Variants in DUOX1 observed in about 807,000 individuals in gnomAD.
DUOX1 encodes dual oxidase 1.
A neutral mutation model predicts 181.8 loss-of-function variants in DUOX1; 134 were observed. The observed-to-expected ratio is 0.74, with a 90% CI of 0.64 to 0.85. The LOEUF is 0.85. Ranked by LOEUF, DUOX1 falls within the 40% of genes least tolerant of loss-of-function variation. DUOX1 has a pLI of 0.00. For missense variants in DUOX1, 1,814 were observed against 2,064.4 expected (o/e 0.88, Z 2.35); for synonymous variants, 798 against 832.5 (o/e 0.96, Z 0.71).
At chr15:45,142,402 A>G (rs954740027) in intron 15 of DUOX1, among the ~76,000 whole-genome samples, 1 of 152,142 alleles carries the variant, frequency 6.6e-6, no homozygotes. Context: ...CTGAGCCTAG[A>G]GGACTGTCAG....
At chr15:45,158,106 C>T (rs146040065) in intron 28 of DUOX1, among the ~76,000 whole-genome samples, 18 of 152,308 alleles carry the variant, frequency 1.2e-4, no homozygotes, top group Admixed American at 3.9e-4. Flanking sequence ...AGCCACCACC[C>T]CATCCCACCA....
At position 45,142,162 on chromosome 15, in the gene DUOX1, T is replaced by C. The variant is rs1896517333; in HGVS notation, c.1822+50T>C. ...GGGGTGAGAGATGCAAGCTAGGGGA[T>C]GCAGTTTGGGTGGTTCCACTAATGA... is the stretch of plus-strand genomic sequence containing the variant. On this transcript the variant is annotated intron_variant, in intron 15 of 33. Transcript: ENST00000389037. 3 of 1,588,280 alleles carry C rather than the reference T, an allele frequency of 1.9e-6. No homozygotes were observed. In the East Asian group the frequency reaches 6.7e-5, roughly 36 times the overall value.
chr15:45,135,633 C>T lies in DUOX1; in HGVS notation c.655C>T (p.Pro219Ser), dbSNP rs200908616. The T allele has an allele frequency of 6.5e-7, 1 of 1,546,004 alleles. No individual in the cohort carries two copies. Among genetic ancestry groups the T allele is most frequent in the Non-Finnish European group, 8.7e-7 (1 of 1,146,086 alleles). ...SQNPLLMWAA[P>S]DPATGQNGPR... Reference sequence around the variant, plus strand: ...GAACCCCCTGCTCATGTGGGCGGCGCCCGACCCCGCCACCGGGCAGAACGG... The same window carrying T: ...GAACCCCCTGCTCATGTGGGCGGCGTCCGACCCCGCCACCGGGCAGAACGG... The change falls in exon 6 of 34, where the codon CCC becomes TCC. Residue 219 changes from proline to serine, a missense_variant. Pro to Ser is a moderately conservative substitution (Grantham distance 74). Transcript: ENST00000389037.
At chr15:45,150,759 C>T in intron 22 of DUOX1, 58 bp downstream of exon 22, 1 of 1,548,866 alleles carries the variant, frequency 6.5e-7, no homozygotes, top group Non-Finnish European at 8.9e-7. Flanking sequence ...ATTTCTCTCC[C>T]CTGAATGGCT....
intron 28 of DUOX1, among the ~76,000 whole-genome samples, chr15:45,159,729 CTTTCCCCAACAGTTACTGTG>C (rs1254756186): frequency 3.3e-5 from 5 of 152,178 alleles, no homozygotes; most frequent in African/African-American, 1.2e-4. Flanking sequence ...GGGGAAGCGC[CTTTCCCCAACAGTTACTGTG>C]TGCCTATCAT....
At chr15:45,137,383 AAG>A (rs1555421117) in intron 9 of DUOX1, among the ~76,000 whole-genome samples, 148 of 150,350 alleles carry the variant, frequency 9.8e-4, no homozygotes, top group African/African-American at 3.4e-3. Context: ...AAAAAAAAAA[AAG>A]ACACATATTT....
intron 11 of DUOX1, 88 bp from the exon 12 acceptor site, chr15:45,139,339 C>T: frequency 6.3e-7 from 1 of 1,589,344 alleles, no homozygotes; most frequent in African/African-American, 1.4e-5. Context: ...GCTCAAGTCT[C>T]CTGGGGCTGG....
Position 45,152,457 on chromosome 15 carries a change from C to T in DUOX1, c.3365C>T (p.Pro1122Leu). ...LRETFLNRYV[P>L]FDAAVDFHRL... Reference sequence around the variant, plus strand: ...GAAACCTTCCTCAACCGCTACGTGCCCTTCGACGCCGCCGTGGACTTCCAT... The same window carrying T: ...GAAACCTTCCTCAACCGCTACGTGCTCTTCGACGCCGCCGTGGACTTCCAT... The change falls in exon 25 of 34, where the codon CCC (proline) becomes CTC (leucine). Residue 1122 changes from proline to leucine, a missense_variant. This residue lies in a region of DUOX1 where 1,064 missense variants were observed against 1,152.9 expected (regional missense o/e 0.92). Coordinates refer to ENST00000389037, the MANE Select transcript of DUOX1 (RefSeq NM_175940.3). 1 of 1,614,196 alleles carries T rather than the reference C, an allele frequency of 6.2e-7. No homozygotes were observed. Among genetic ancestry groups the T allele is most frequent in the Non-Finnish European group, 8.5e-7 (1 of 1,180,022 alleles).
Position 45,137,928 on chromosome 15 carries a change from G to A in DUOX1, c.1027G>A (p.Ala343Thr), listed in dbSNP as rs764821882. ...MVPPGVYMRN[A>T]SCHFQGVINR... ...TCCCTGCTCCTTGCATTTCAGAAAT[G>A]CCAGCTGCCACTTCCAGGGGGTCAT... Residue 343 changes from alanine to threonine, a missense_variant, in exon 10 of 34, where the codon GCC becomes ACC. This residue lies in a region of DUOX1 where 1,064 missense variants were observed against 1,152.9 expected (regional missense o/e 0.92). Transcript: ENST00000389037. 4 of 1,603,018 alleles carry A rather than the reference G, an allele frequency of 2.5e-6. No homozygotes were observed. The highest frequency in any genetic ancestry group is 3.4e-6 in the Non-Finnish European group (4 of 1,174,092).
chr15:45,143,094 C>T, intron 15 of DUOX1, 96 bp from the exon 16 acceptor site: 1 of 882,424 alleles, frequency 1.1e-6, no homozygotes, highest in East Asian at 2.6e-5. Context: ...GAGGTGGGGA[C>T]AATAGGTGGT....
intron 10 of DUOX1, 136 bp downstream of exon 10, chr15:45,138,150 G>A (rs1156247570): frequency 1.8e-6 from 1 of 567,696 alleles, no homozygotes; most frequent in Non-Finnish European, 2.8e-6. Context: ...CAGGTAGCTG[G>A]GATAGGCTGG....
At chr15:45,143,412 GTAGGCAAGGCCACAGTGGCA>G in intron 16 of DUOX1, 109 bp downstream of exon 16, 1 of 819,862 alleles carries the variant, frequency 1.2e-6, no homozygotes, top group African/African-American at 1.7e-5. Context: ...TTCTAGGACT[GTAGGCAAGGCCACAGTGGCA>G]TTAAGCAGAA....
At chr15:45,148,488 C>A in intron 21 of DUOX1, 41 bp downstream of exon 21, 1 of 1,574,270 alleles carries the variant, frequency 6.4e-7, no homozygotes, top group Non-Finnish European at 8.6e-7. Context: ...ATTGGTTAGG[C>A]ATAGTAGGCA....
intron 15 of DUOX1, 86 bp downstream of exon 15, chr15:45,142,198 C>T (rs770289805): frequency 1.4e-5 from 20 of 1,435,878 alleles, no homozygotes; most frequent in Admixed American, 5.6e-5. Flanking sequence ...CAACAAACCA[C>T]GCAAACCACA....
At chr15:45,135,352 G>A (rs1896273327) in intron 5 of DUOX1, 61 bp downstream of exon 5, 2 of 1,504,550 alleles carry the variant, frequency 1.3e-6, no homozygotes, top group South Asian at 1.3e-5. Flanking sequence ...CTGGGCTTCG[G>A]GCCTGGCAGG....
In DUOX1 at chr15:45,155,857, C is replaced by T. The variant is rs1256440205; in HGVS notation, c.3630C>T (p.Ser1210=). 1 of 1,613,986 alleles carries T rather than the reference C, an allele frequency of 6.2e-7. No homozygotes were observed. The highest frequency in any genetic ancestry group is 8.5e-7 in the Non-Finnish European group (1 of 1,180,036). ...TGGCCATCATGTATGTCTTTGCCTC[C>T]CACCACTTCCGCCGCCGCAGTTTCC... The part of the protein sequence containing the change: ...LILAIMYVFA[S]HHFRRRSFRG... Residue 1210 remains serine, a synonymous_variant, in exon 28 of 34, where the codon TCC becomes TCT. Transcript: ENST00000389037.
intron 7 of DUOX1, 30 bp from the exon 8 acceptor site, chr15:45,136,320 T>A: frequency 6.2e-7 from 1 of 1,612,536 alleles, no homozygotes; most frequent in Non-Finnish European, 8.5e-7. Flanking sequence ...ATCCAACTCG[T>A]GCCTCCCCTC....
rs1196890938 is a variant in DUOX1, at chr15:45,153,493, AATGTGTGTGTGTGTGTGTGTGT to A, written c.3524+15_3524+36del. 1 of 1,193,328 alleles carries A rather than the reference AATGTGTGTGTGTGTGTGTGTGT, an allele frequency of 8.4e-7. No individual in the cohort carries two copies. Among genetic ancestry groups the A allele is most frequent in the Non-Finnish European group, 1.2e-6 (1 of 806,986 alleles). 73.9% of individuals were successfully genotyped at this position (1,193,328 alleles called of 1,614,324 possible). On this transcript the variant is annotated intron_variant, in intron 26 of 33. Coordinates refer to ENST00000389037, the MANE Select transcript of DUOX1 (RefSeq NM_175940.3). ...CCATGATGATGGGTGAGTAAGTGCGAATGTGTGTGTGTGTGTGTGTGTGTGTGTGTGTGTGTGTGTGTGTGTG... is the reference window on the plus strand; with the variant it reads ...CCATGATGATGGGTGAGTAAGTGCGAGTGTGTGTGTGTGTGTGTGTGTGTG...
At chr15:45,164,067 G>A in intron 33 of DUOX1, 149 bp downstream of exon 33, 1 of 1,278,580 alleles carries the variant, frequency 7.8e-7, no homozygotes, top group Non-Finnish European at 1.1e-6. Context: ...GGAAAGGATA[G>A]GTGGGTGTCA....
Sources: gnomAD v4.1 joint callset for allele counts (sites outside exome capture counted in the v4.1 genomes callset) on GRCh38, gnomAD v4.1.1 for gene constraint, gnomAD v4.1.1 regional missense constraint, MANE v1.5 for transcripts, NCBI Gene and HGNC (gene_info 2026-07-23, HGNC 2026-07-21) for gene names.